The following AUTS2 variants were observed in gnomAD, a reference collection of about 807,000 sequenced individuals.
AUTS2 encodes the protein activator of transcription and developmental regulator AUTS2.
In AUTS2, 17 loss-of-function variants were observed where a neutral mutation model predicts 112.4. That is an observed-to-expected ratio of 0.15 (90% CI 0.10 to 0.23). AUTS2 has a LOEUF of 0.23. Among genes scored for constraint, AUTS2 ranks in the 10% least tolerant of loss-of-function variants. The probability of loss-of-function intolerance (pLI) is 1.00; values close to 1 mark genes in which losing one functional copy is unlikely to be tolerated. For synonymous variants in AUTS2, 751 were observed against 702.7 expected (o/e 1.07, Z -1.09); for missense variants, 1,510 against 1,701.6 (o/e 0.89, Z 1.98).
chr7:69,701,113 C>T (rs560620406), intron 1 of AUTS2, among the ~76,000 whole-genome samples: 29 of 152,176 alleles, frequency 1.9e-4, no homozygotes, highest in African/African-American at 6.5e-4. Context: ...TCACTCTCTC[C>T]CTGTTTATAA....
intron 6 of AUTS2, among the ~76,000 whole-genome samples, chr7:70,716,996 T>G (rs1242793322): frequency 2.1e-5 from 1 of 48,660 alleles, no homozygotes; most frequent in African/African-American, 1.0e-4. Context: ...GTGGAGTTAT[T>G]TTTTTTTTTT....
intron 5 of AUTS2, among the ~76,000 whole-genome samples, chr7:70,564,842 G>A (rs1444651004): frequency 6.6e-6 from 1 of 152,194 alleles, no homozygotes; most frequent in Non-Finnish European, 1.5e-5. Flanking sequence ...GCTCACGCCT[G>A]TAATCCCAGC....
chr7:70,373,869 A>T (rs898686398), intron 4 of AUTS2, among the ~76,000 whole-genome samples: 3 of 152,042 alleles, frequency 2.0e-5, no homozygotes, highest in African/African-American at 7.2e-5. Context: ...AATTTAGTGA[A>T]TCGTATATAC....
chr7:70,059,798 T>C (rs188472208), intron 2 of AUTS2, among the ~76,000 whole-genome samples: 23 of 152,314 alleles, frequency 1.5e-4, no homozygotes, highest in Admixed American at 9.8e-4. Flanking sequence ...TAGGAACCCA[T>C]GGCAGATTTT....
chr7:70,062,846 G>C (rs1802316608), intron 2 of AUTS2, among the ~76,000 whole-genome samples: 1 of 152,180 alleles, frequency 6.6e-6, no homozygotes, highest in Non-Finnish European at 1.5e-5. Flanking sequence ...AAGGAACTAG[G>C]CTACTTCCTT....
intron 6 of AUTS2, among the ~76,000 whole-genome samples, chr7:70,761,461 A>G (rs779610150): frequency 8.5e-5 from 13 of 152,390 alleles, no homozygotes; most frequent in Non-Finnish European, 1.6e-4. Flanking sequence ...CCTTCATTTC[A>G]AAGGATGTTG....
At chr7:69,759,045 T>A (rs2129282462) in intron 1 of AUTS2, among the ~76,000 whole-genome samples, 1 of 152,318 alleles carries the variant, frequency 6.6e-6, no homozygotes, top group South Asian at 2.1e-4. Flanking sequence ...GTTTGCTTAT[T>A]TAATCTACCT....
intron 2 of AUTS2, among the ~76,000 whole-genome samples, chr7:69,931,819 A>G (rs1796238111): frequency 1.3e-5 from 2 of 152,214 alleles, no homozygotes; most frequent in South Asian, 4.1e-4. Context: ...GGGCTCTTCA[A>G]GATAAAAGAC....
At chr7:70,574,505 CT>C (rs1423384837) in intron 5 of AUTS2, among the ~76,000 whole-genome samples, 1 of 152,168 alleles carries the variant, frequency 6.6e-6, no homozygotes, top group East Asian at 1.9e-4. Context: ...CCTCTCTGTA[CT>C]TTGGCCTACA....
At chr7:70,610,300 A>G (rs921792477) in intron 5 of AUTS2, among the ~76,000 whole-genome samples, 1 of 151,926 alleles carries the variant, frequency 6.6e-6, no homozygotes, top group Non-Finnish European at 1.5e-5. Context: ...CACCCAACCC[A>G]TATTTTTAAT....
In AUTS2 at chr7:70,763,107, G is replaced by T. The variant is rs146706542; in HGVS notation, c.980G>T (p.Arg327Leu). Residue 327 changes from arginine to leucine, a missense_variant, in exon 7 of 19, where the codon CGC becomes CTC. Arg to Leu is a moderately radical substitution (Grantham distance 102). Transcript: ENST00000342771. ...TCTCCGGACCCTGACTTGGTGCAGC[G>T]CACAGAGGCCCCACCTCAACCCCCA... The part of the protein sequence containing the change: ...APSPDPDLVQ[R>L]TEAPPQPPPL... 3 of 1,613,862 alleles carry T rather than the reference G, an allele frequency of 1.9e-6. No individual in the cohort carries two copies. The highest frequency in any genetic ancestry group is 2.2e-5 in the East Asian group (1 of 44,880).
At chr7:70,575,071 G>A (rs1266245688) in intron 5 of AUTS2, among the ~76,000 whole-genome samples, 2 of 152,196 alleles carry the variant, frequency 1.3e-5, no homozygotes, top group South Asian at 2.1e-4. Context: ...AACCAGAAAG[G>A]GATGTGTCAG....
chr7:69,931,542 G>A (rs905011573), intron 2 of AUTS2, among the ~76,000 whole-genome samples: 3 of 152,104 alleles, frequency 2.0e-5, no homozygotes, highest in African/African-American at 7.2e-5. Flanking sequence ...GTGGTATTTT[G>A]TTGTAATCAG....
intron 2 of AUTS2, among the ~76,000 whole-genome samples, chr7:69,950,196 A>G (rs1347737240): frequency 1.5e-4 from 23 of 152,140 alleles, no homozygotes; most frequent in Admixed American, 1.4e-3. Context: ...ATCTATACCT[A>G]TATAAATTTT....
At chr7:69,606,534 C>A (rs1583927261) in intron 1 of AUTS2, among the ~76,000 whole-genome samples, 1 of 152,184 alleles carries the variant, frequency 6.6e-6, no homozygotes, top group Non-Finnish European at 1.5e-5. Context: ...ATACTAAATG[C>A]AGCCTAACTT....
chr7:69,652,064 C>T (rs1396426036), intron 1 of AUTS2, among the ~76,000 whole-genome samples: 3 of 152,122 alleles, frequency 2.0e-5, no homozygotes, highest in Non-Finnish European at 4.4e-5. Flanking sequence ...TTGGAGCCTC[C>T]AGCTTGTAGG....
At chr7:70,148,969 G>A (rs1023078208) in intron 4 of AUTS2, among the ~76,000 whole-genome samples, 3 of 151,902 alleles carry the variant, frequency 2.0e-5, no homozygotes, top group Non-Finnish European at 4.4e-5. Flanking sequence ...TTCAGACTCA[G>A]GTATTACAAA....
intron 4 of AUTS2, among the ~76,000 whole-genome samples, chr7:70,317,603 A>T (rs1314280196): frequency 6.6e-6 from 1 of 152,228 alleles, no homozygotes; most frequent in African/African-American, 2.4e-5. Flanking sequence ...AAACTCAGGC[A>T]GGGGTTCTAG....
intron 6 of AUTS2, among the ~76,000 whole-genome samples, chr7:70,720,181 T>C (rs1810587588): frequency 6.9e-6 from 1 of 145,440 alleles, no homozygotes; most frequent in Non-Finnish European, 1.5e-5. Context: ...ACACGAAGTC[T>C]TTTTGTTGTT....
Sources: gnomAD v4.1 joint callset for allele counts (sites outside exome capture counted in the v4.1 genomes callset) on GRCh38, gnomAD v4.1.1 for gene constraint, MANE v1.5 for transcripts, NCBI Gene and HGNC (gene_info 2026-07-23, HGNC 2026-07-21) for gene names.